The following ABI1 variants were observed in gnomAD, a reference collection of about 807,000 sequenced individuals.
ABI1 encodes abl interactor 1.
Under a neutral mutation model 54.6 loss-of-function variants are expected in ABI1, and 14 were observed. The observed-to-expected ratio is 0.26, with a 90% CI of 0.17 to 0.40. ABI1 has a LOEUF of 0.40. Ranked by LOEUF, ABI1 falls within the 10% of genes least tolerant of loss-of-function variation. The pLI is 1.00. For synonymous variants in ABI1, 194 were observed against 209.3 expected (o/e 0.93, Z 0.63); for missense variants, 443 against 598.3 (o/e 0.74, Z 2.71).
chr10:26,787,311 A>G (rs1333454348), intron 2 of ABI1, among the ~76,000 whole-genome samples: 1 of 152,194 alleles, frequency 6.6e-6, no homozygotes, highest in African/African-American at 2.4e-5. Context: ...CATGGTCCCC[A>G]GTCCTCAAGG....
At chr10:26,759,267 C>T (rs1178503266) in intron 7 of ABI1, 29 bp from the exon 8 acceptor site, 4 of 1,606,702 alleles carry the variant, frequency 2.5e-6, no homozygotes, top group Non-Finnish European at 3.4e-6. Flanking sequence ...AGGCAACCAA[C>T]AAAGAGACTT....
Sources: gnomAD v4.1 joint callset for allele counts (sites outside exome capture counted in the v4.1 genomes callset) on GRCh38, gnomAD v4.1.1 for gene constraint, MANE v1.5 for transcripts, NCBI Gene and HGNC (gene_info 2026-07-23, HGNC 2026-07-21) for gene names.